Variants in ECT2L observed in about 807,000 individuals in gnomAD.
ECT2L encodes epithelial cell transforming 2 like.
Under a neutral mutation model 122.8 loss-of-function variants are expected in ECT2L, and 126 were observed. The observed-to-expected ratio is 1.03, with a 90% CI of 0.89 to 1.19. The LOEUF (loss-of-function observed/expected upper bound fraction) is 1.19. Among genes scored for constraint, ECT2L ranks in the 50% most tolerant of loss-of-function variants. The pLI is 0.00. For synonymous variants in ECT2L, 385 were observed against 381.8 expected (o/e 1.01, Z -0.10); for missense variants, 1,012 against 1,064.1 (o/e 0.95, Z 0.68).
At chr6:138,839,707 A>G (rs1442031783) in intron 5 of ECT2L, among the ~76,000 whole-genome samples, 4 of 152,154 alleles carry the variant, frequency 2.6e-5, no homozygotes, top group Admixed American at 6.5e-5. Flanking sequence ...TTTGTGTTTA[A>G]TCCATCATTT....
intron 13 of ECT2L, 124 bp downstream of exon 13, chr6:138,868,330 C>A: frequency 1.4e-6 from 1 of 733,038 alleles, no homozygotes; most frequent in Non-Finnish European, 2.1e-6. Flanking sequence ...AGAGAAATTA[C>A]ATCAGTTTAT....
intron 4 of ECT2L, among the ~76,000 whole-genome samples, chr6:138,815,332 A>G (rs1776030299): frequency 7.2e-5 from 11 of 152,214 alleles, no homozygotes; most frequent in Admixed American, 7.2e-4. Flanking sequence ...AGCCAGATGA[A>G]TGTTAGAAAC....
At chr6:138,854,286 T>C in intron 10 of ECT2L, 132 bp downstream of exon 10, 2 of 1,105,454 alleles carry the variant, frequency 1.8e-6, no homozygotes, top group South Asian at 4.0e-5. Context: ...TTCTTTGTAC[T>C]TCACATATCC....
chr6:138,900,908 T>A (rs780064415), intron 20 of ECT2L, 40 bp from the exon 21 acceptor site: 13 of 1,585,116 alleles, frequency 8.2e-6, no homozygotes, highest in Middle Eastern at 1.7e-4. Context: ...AAAGCATGTA[T>A]GTTATGTATT....
At chr6:138,899,809 T>A (rs1332797274) in intron 20 of ECT2L, among the ~76,000 whole-genome samples, 1 of 16,146 alleles carries the variant, frequency 6.2e-5, no homozygotes, top group South Asian at 1.8e-3. Context: ...CCACCCCTGG[T>A]GGGGAGGGGG....
At chr6:138,810,394 T>C (rs1031238685) in intron 1 of ECT2L, among the ~76,000 whole-genome samples, 23 of 152,210 alleles carry the variant, frequency 1.5e-4, no homozygotes, top group African/African-American at 3.1e-4. Flanking sequence ...ATACTTTGAG[T>C]TGGAAAAACA....
At chr6:138,882,612 AC>A in intron 15 of ECT2L, 111 bp from the exon 16 acceptor site, 1 of 1,316,190 alleles carries the variant, frequency 7.6e-7, no homozygotes, top group Non-Finnish European at 1.0e-6. Flanking sequence ...CTTGACCAAA[AC>A]CCTACCGTAA....
Position 138,885,575 on chromosome 6 carries a change from CTGAGG to C in ECT2L, c.2100_2102+2del. 1 of 1,614,166 alleles carries C rather than the reference CTGAGG, an allele frequency of 6.2e-7. No individual in the cohort carries two copies. Among genetic ancestry groups the C allele is most frequent in the Admixed American group, 1.7e-5 (1 of 60,006 alleles). ...TGATAAGACCATTGTTACCAAAATG[CTGAGG>C]TACGTTCTGAGGGAGAGCACAGCAG... On this transcript the variant is annotated splice_donor_variant and coding_sequence_variant, in exon 17 of 22. Coordinates refer to ENST00000541398, the MANE Select transcript of ECT2L (RefSeq NM_001077706.3). LOFTEE classifies it high-confidence loss of function.
At chr6:138,886,620 T>C (rs1195799149) in intron 18 of ECT2L, among the ~76,000 whole-genome samples, 1 of 151,872 alleles carries the variant, frequency 6.6e-6, no homozygotes, top group East Asian at 1.9e-4. Flanking sequence ...GTTTCACCAC[T>C]TTGCCCAGGC....
At chr6:138,844,727 G>C (rs1016222164) in intron 7 of ECT2L, 147 bp downstream of exon 7, 1 of 685,850 alleles carries the variant, frequency 1.5e-6, no homozygotes, top group African/African-American at 1.8e-5. Flanking sequence ...TAATTTTCTA[G>C]AACAGTAGTC....
intron 14 of ECT2L, 129 bp from the exon 15 acceptor site, chr6:138,880,828 G>T: frequency 1.4e-6 from 1 of 720,560 alleles, no homozygotes; most frequent in East Asian, 2.7e-5. Flanking sequence ...GGGGTCCTCC[G>T]TAGCCCCCGT....
chr6:138,862,526 A>C, intron 10 of ECT2L, 101 bp from the exon 11 acceptor site: 7 of 1,154,166 alleles, frequency 6.1e-6, no homozygotes, highest in Non-Finnish European at 9.0e-6. Context: ...GTTGGGGATT[A>C]GATTTCAACA....
chr6:138,899,068 A>G (rs867685348), intron 20 of ECT2L, among the ~76,000 whole-genome samples: 1 of 152,154 alleles, frequency 6.6e-6, no homozygotes, highest in Non-Finnish European at 1.5e-5. Flanking sequence ...TACTCTCAGG[A>G]ATTGTATCTG....
At chr6:138,876,660 T>C in intron 14 of ECT2L, 102 bp downstream of exon 14, 1 of 660,862 alleles carries the variant, frequency 1.5e-6, no homozygotes, top group Non-Finnish European at 2.3e-6. Context: ...AAAATTTCCC[T>C]TTGGGGGATT....
chr6:138,849,147 T>G (rs1777335995), intron 8 of ECT2L, 122 bp from the exon 9 acceptor site: 1 of 1,004,658 alleles, frequency 1.0e-6, no homozygotes, highest in African/African-American at 1.7e-5. Flanking sequence ...CTTATCTTCT[T>G]CCATAATCTC....
At chr6:138,805,607 C>G (rs1775687509) in intron 1 of ECT2L, among the ~76,000 whole-genome samples, 1 of 152,118 alleles carries the variant, frequency 6.6e-6, no homozygotes, top group African/African-American at 2.4e-5. Context: ...AGCTTAGTTG[C>G]AACTGAAATA....
chr6:138,829,744 A>C (rs756962370), intron 4 of ECT2L, among the ~76,000 whole-genome samples: 2 of 150,502 alleles, frequency 1.3e-5, no homozygotes, highest in Non-Finnish European at 3.0e-5. Context: ...TTTTTTTGAG[A>C]CAGAGTCTCA....
chr6:138,869,137 A>G (rs906563877), intron 13 of ECT2L, among the ~76,000 whole-genome samples: 4 of 152,230 alleles, frequency 2.6e-5, no homozygotes, highest in Non-Finnish European at 2.9e-5. Flanking sequence ...ATTGCACTCC[A>G]GCCTGGGTGA....
At chr6:138,843,937 A>T (rs1387600321) in intron 6 of ECT2L, among the ~76,000 whole-genome samples, 1 of 152,060 alleles carries the variant, frequency 6.6e-6, no homozygotes, top group African/African-American at 2.4e-5. Context: ...TGACCCGCCC[A>T]CCCTGGCCTC....
Sources: allele counts gnomAD v4.1 joint callset (sites outside exome capture counted in the v4.1 genomes callset), GRCh38; gene constraint gnomAD v4.1.1; transcripts MANE v1.5; gene names NCBI Gene and HGNC (gene_info 2026-07-23, HGNC 2026-07-21).